Variants in RUNX1T1 observed in about 807,000 individuals in gnomAD.
RUNX1T1 encodes protein CBFA2T1.
Under a neutral mutation model 62.8 loss-of-function variants are expected in RUNX1T1, and 4 were observed. That is an observed-to-expected ratio of 0.06 (90% CI 0.03 to 0.15). The LOEUF is 0.15. Ranked by LOEUF, RUNX1T1 falls within the 10% of genes least tolerant of loss-of-function variation. The pLI, the probability that RUNX1T1 is intolerant of heterozygous loss-of-function variation, is 1.00. For missense variants in RUNX1T1, 508 were observed against 754.3 expected, an observed-to-expected ratio of 0.67 and a Z score of 3.82; for synonymous variants, 291 against 286.0, an observed-to-expected ratio of 1.02 and a Z score of -0.18.
Position 92,095,605 on chromosome 8 carries a change from AG to A in RUNX1T1, c.-86+3974del, listed in dbSNP as rs1258768526. On this transcript the variant is annotated intron_variant, in intron 1 of 11. Coordinates refer to the RUNX1T1 transcript ENST00000265814. ...GCGTGTGAGACGGAGCGGGAGAGGG[AG>A]GAAAAGTGGGAGAGAGAGAGAGAAG... The A allele has an allele frequency of 2.9e-6, 4 of 1,396,378 alleles. No individual in the cohort carries two copies. In the African/African-American group the frequency reaches 5.9e-5, roughly 20 times the overall value. 86.5% of individuals were successfully genotyped at this position (1,396,378 alleles called of 1,614,324 possible).
chr8:91,998,635 T>C (rs1024617381), intron 5 of RUNX1T1, among the ~76,000 whole-genome samples: 4 of 152,244 alleles, frequency 2.6e-5, no homozygotes, highest in Non-Finnish European at 2.9e-5. Context: ...TTCCGTCACG[T>C]GTCTGAAGCT....
intron 8 of RUNX1T1, among the ~76,000 whole-genome samples, chr8:91,979,541 A>G (rs1195790146): frequency 6.6e-6 from 1 of 152,076 alleles, no homozygotes; most frequent in Non-Finnish European, 1.5e-5. Flanking sequence ...CTGAAAGATG[A>G]AAACATTATA....
chr8:91,956,770 A>T, downstream of RUNX1T1: 1 of 219,436 alleles, frequency 4.6e-6, no homozygotes, highest in South Asian at 1.8e-4. Context: ...ATTTTTCACA[A>T]TGTCGCAGAA....
chr8:91,979,094 C>T (rs1326240640), intron 8 of RUNX1T1, among the ~76,000 whole-genome samples: 1 of 152,162 alleles, frequency 6.6e-6, no homozygotes, highest in Non-Finnish European at 1.5e-5. Context: ...ATCAGGTCTA[C>T]CAACAGAAAG....
intron 1 of RUNX1T1, among the ~76,000 whole-genome samples, chr8:92,032,971 A>G (rs1421457843): frequency 2.6e-5 from 4 of 152,210 alleles, no homozygotes; most frequent in Non-Finnish European, 5.9e-5. Context: ...ACAAAATGAT[A>G]GTTTTTTAAT....
At chr8:91,987,315 A>G (rs972318914) in intron 6 of RUNX1T1, among the ~76,000 whole-genome samples, 1 of 152,212 alleles carries the variant, frequency 6.6e-6, no homozygotes, top group Non-Finnish European at 1.5e-5. Context: ...AACCACAAGT[A>G]GACATTAAGT....
At chr8:91,960,282 G>C (rs1810135282) in exon 11 of RUNX1T1, 1 of 1,610,346 alleles carries the variant, frequency 6.2e-7, no homozygotes, top group Non-Finnish European at 8.5e-7. Flanking sequence ...GGTTCCCGGG[G>C]TGGTTGACCT....
At chr8:92,064,983 AGC>A (rs1214454926), upstream of RUNX1T1, among the ~76,000 whole-genome samples, 1 of 152,210 alleles carries the variant, frequency 6.6e-6, no homozygotes, top group Non-Finnish European at 1.5e-5. Context: ...GTCTGACTGC[AGC>A]GGGGCCTAGC....
In RUNX1T1 at chr8:91,985,615, G is replaced by A. The variant is rs529015721; in HGVS notation, c.1198+509C>T. Among the ~76,000 whole-genome samples, 186 of 152,052 alleles carry A rather than the reference G, an allele frequency of 1.2e-3. 1 individual carries two copies. In the South Asian group the frequency reaches 0.013, roughly 10 times the overall value. On this transcript the variant is annotated intron_variant, in intron 8 of 10. Coordinates refer to ENST00000396218, the Ensembl canonical transcript of RUNX1T1. ...TCTAGGTCTCTCTTCCTGGAGGCGG[G>A]GGGTTGAGAAAAAAGTTTAAAATAT...
chr8:92,040,052 T>C (rs370611998), intron 1 of RUNX1T1, among the ~76,000 whole-genome samples: 5 of 152,210 alleles, frequency 3.3e-5, no homozygotes, highest in East Asian at 3.8e-4. Flanking sequence ...CTTCTACTTA[T>C]AAGACTTGAC....
At chr8:92,024,783 T>C (rs1265516402) in intron 1 of RUNX1T1, among the ~76,000 whole-genome samples, 1 of 152,176 alleles carries the variant, frequency 6.6e-6, no homozygotes. Flanking sequence ...TGATAACTAC[T>C]GACATTTTCC....
At chr8:92,071,862 GA>G (rs1183927519) in intron 2 of RUNX1T1, among the ~76,000 whole-genome samples, 1 of 152,156 alleles carries the variant, frequency 6.6e-6, no homozygotes, top group Non-Finnish European at 1.5e-5. Flanking sequence ...AGCATCAACA[GA>G]ACATTCTCCT....
At chr8:92,094,893 C>T in intron 1 of RUNX1T1, 1 of 639,546 alleles carries the variant, frequency 1.6e-6, no homozygotes, top group South Asian at 2.2e-5. Flanking sequence ...AGCTTTGTCT[C>T]TCCCTTCTTC....
At chr8:91,977,139 T>C (rs1461748739) in intron 8 of RUNX1T1, 1 of 196,918 alleles carries the variant, frequency 5.1e-6, no homozygotes, top group Non-Finnish European at 1.1e-5. Context: ...TTGAATGCTT[T>C]GAATTCTTGC....
upstream of RUNX1T1, among the ~76,000 whole-genome samples, chr8:92,099,937 A>G (rs530469960): frequency 1.3e-5 from 2 of 152,318 alleles, no homozygotes; most frequent in South Asian, 2.1e-4. Context: ...GTTCTTTGCA[A>G]TTTATGAAGT....
intron 1 of RUNX1T1, among the ~76,000 whole-genome samples, chr8:92,093,254 T>C (rs575818584): frequency 1.7e-4 from 26 of 152,298 alleles, no homozygotes; most frequent in African/African-American, 6.3e-4. Context: ...ATAGTCAAAA[T>C]AGATTTATAT....
rs1356320609 is a variant in RUNX1T1, at chr8:92,048,092, G to A, written c.7+14454C>T. Among the ~76,000 whole-genome samples the A allele has an allele frequency of 3.3e-5, 5 of 152,128 alleles. No individual in the cohort carries two copies. The South Asian group carries it at 6.2e-4, about 19-fold the overall frequency. ...TGCTGTTATCAAAATGTTGTCAAACGTTTAGCTCACCAAATGAACTAATTC... is the reference window on the plus strand; with the variant it reads ...TGCTGTTATCAAAATGTTGTCAAACATTTAGCTCACCAAATGAACTAATTC... On this transcript the variant is annotated intron_variant, in intron 1 of 10. Transcript: ENST00000396218.
chr8:91,962,611 G>A (rs1563605363), intron 10 of RUNX1T1, among the ~76,000 whole-genome samples: 1 of 152,234 alleles, frequency 6.6e-6, no homozygotes, highest in African/African-American at 2.4e-5. Context: ...GAGCAAACGT[G>A]GGCCTGGCCC....
chr8:92,050,995 T>C (rs973484099), intron 1 of RUNX1T1, among the ~76,000 whole-genome samples: 2 of 152,220 alleles, frequency 1.3e-5, no homozygotes, highest in African/African-American at 4.8e-5. Flanking sequence ...AAATCTCACC[T>C]ATTTAAAGGT....
Sources: gnomAD v4.1 joint callset for allele counts (sites outside exome capture counted in the v4.1 genomes callset) on GRCh38, gnomAD v4.1.1 for gene constraint, MANE v1.5 for transcripts, NCBI Gene and HGNC (gene_info 2026-07-23, HGNC 2026-07-21) for gene names.